ANKRD31: variants seen among roughly 807,000 people sequenced by gnomAD.
ANKRD31 encodes the protein ankyrin repeat domain 31.
In ANKRD31, 147 loss-of-function variants were observed where a neutral mutation model predicts 186.0. That is an observed-to-expected ratio of 0.79 (90% CI 0.69 to 0.91). The LOEUF (loss-of-function observed/expected upper bound fraction) is 0.91, where lower values mean the gene tolerates loss of function less well. Among genes scored for constraint, ANKRD31 ranks in the 40% least tolerant of loss-of-function variants. The pLI, the probability that ANKRD31 is intolerant of heterozygous loss-of-function variation, is 0.00. For missense variants in ANKRD31, 1,986 were observed against 2,148.8 expected (o/e 0.92, Z 1.50); for synonymous variants, 673 against 736.4 (o/e 0.91, Z 1.39).
rs183076088 is a variant in ANKRD31, at chr5:75,102,111, G to A, written c.5331+2117C>T. ...ATGGTGACATACAGATGGGGGTTTG[G>A]TGTGGATGTCCTTTCTGTTTGTTAG... On this transcript the variant is annotated intron_variant, in intron 22 of 25. Coordinates refer to ENST00000506364, the MANE Select transcript of ANKRD31 (RefSeq NM_001372053.1). Among the ~76,000 whole-genome samples the A allele has an allele frequency of 1.6e-4, 24 of 152,298 alleles. 1 individual carries two copies. The East Asian group carries it at 4.6e-3, about 29-fold the overall frequency.
At chr5:75,076,538 T>C (rs1326084514) in intron 25 of ANKRD31, among the ~76,000 whole-genome samples, 1 of 152,210 alleles carries the variant, frequency 6.6e-6, no homozygotes, top group Non-Finnish European at 1.5e-5. Flanking sequence ...AACCCAGAAG[T>C]TCTCTGAGCC....
chr5:75,083,754 G>C lies in ANKRD31; in HGVS notation c.5575+518C>G, dbSNP rs571244292. 5.3e-5 allele frequency among the ~76,000 whole-genome samples: 8 copies of C among 152,024 alleles called. No homozygotes were observed. In the South Asian group the frequency reaches 1.7e-3, roughly 32 times the overall value. ...CTCAAAAAAAAAAAAAGTTGGGGGG[G>C]AAGCACCCTAATGCCCATCAAAGGA... On this transcript the variant is annotated intron_variant, in intron 24 of 25. Transcript: ENST00000506364.
intron 22 of ANKRD31, among the ~76,000 whole-genome samples, chr5:75,103,930 GGT>G (rs1227104303): frequency 4.6e-5 from 7 of 152,056 alleles, no homozygotes; most frequent in African/African-American, 1.7e-4. Flanking sequence ...TGGGTTGACA[GGT>G]GCAGCAAACC....
rs1428307779 is a variant in ANKRD31, at chr5:75,168,971, C to T, written c.1707+8G>A. On this transcript the variant is annotated splice_region_variant and intron_variant, in intron 11 of 25. Coordinates refer to ENST00000506364, the MANE Select transcript of ANKRD31 (RefSeq NM_001372053.1). ...GTATTTGTTCTGCAAATAAAAGCATCACAGTACCTTATAATGTCCATTCAT... is the reference window on the plus strand; with the variant it reads ...GTATTTGTTCTGCAAATAAAAGCATTACAGTACCTTATAATGTCCATTCAT... 12 of 1,530,938 alleles carry T rather than the reference C, an allele frequency of 7.8e-6. No individual in the cohort carries two copies. Among genetic ancestry groups the T allele is most frequent in the Admixed American group, 3.9e-5 (2 of 50,788 alleles). The allele number at this position is 1,530,938 out of a possible 1,614,324, so 94.8% of individuals were successfully genotyped here. A position where few individuals can be genotyped will look rare whatever the true frequency, so the allele number is the denominator to read the frequency against.
chr5:75,165,591 T>C (rs1752866131), intron 11 of ANKRD31, among the ~76,000 whole-genome samples: 1 of 152,142 alleles, frequency 6.6e-6, no homozygotes, highest in Non-Finnish European at 1.5e-5. Context: ...CTAAAAGCAA[T>C]AACATCCAAT....
intron 17 of ANKRD31, among the ~76,000 whole-genome samples, chr5:75,135,592 C>A (rs886235162): frequency 6.6e-6 from 1 of 152,064 alleles, no homozygotes; most frequent in African/African-American, 2.4e-5. Flanking sequence ...CCATACTGCC[C>A]AAGGTAATTT....
intron 11 of ANKRD31, among the ~76,000 whole-genome samples, chr5:75,160,175 C>A (rs1480476102): frequency 6.6e-6 from 1 of 151,802 alleles, no homozygotes. Context: ...AATATACAAA[C>A]ATAATATGTA....
rs554100970 is a variant in ANKRD31 at position 75,222,155 on chromosome 5, A to G, written c.288+94T>C. On this transcript the variant is annotated intron_variant, in intron 3 of 25. Transcript: ENST00000506364. Reference sequence around the variant, plus strand: ...TAAGAAAAGAGGAAAGAAGCAAAATATAGACAAAAAGAATTATCATTAGTA... The same window carrying G: ...TAAGAAAAGAGGAAAGAAGCAAAATGTAGACAAAAAGAATTATCATTAGTA... 4.5e-5 allele frequency: 40 copies of G among 895,716 alleles called. No homozygotes were observed. The African/African-American group carries it at 6.5e-4, about 14-fold the overall frequency. 55.5% of individuals were successfully genotyped at this position (895,716 alleles called of 1,614,324 possible). A position where few individuals can be genotyped will look rare whatever the true frequency, so the allele number is the denominator to read the frequency against.
chr5:75,202,943 CTTTTTAT>C (rs1469503460), intron 5 of ANKRD31, among the ~76,000 whole-genome samples: 4 of 152,158 alleles, frequency 2.6e-5, no homozygotes, highest in South Asian at 2.1e-4. Flanking sequence ...TGTGGCACTA[CTTTTTAT>C]TTTTTATTTT....
intron 5 of ANKRD31, among the ~76,000 whole-genome samples, chr5:75,204,734 T>C (rs1756042187): frequency 6.6e-6 from 1 of 152,210 alleles, no homozygotes; most frequent in South Asian, 2.1e-4. Flanking sequence ...GTGATGGGCC[T>C]TCCTTTCCTT....
At chr5:75,158,254 C>T (rs903623807) in intron 11 of ANKRD31, among the ~76,000 whole-genome samples, 10 of 152,146 alleles carry the variant, frequency 6.6e-5, no homozygotes, top group African/African-American at 2.4e-4. Flanking sequence ...GAAGGTTAAA[C>T]ACAACCTCTA....
At chr5:75,191,271 C>A (rs1755091398) in intron 9 of ANKRD31, among the ~76,000 whole-genome samples, 1 of 152,092 alleles carries the variant, frequency 6.6e-6, no homozygotes, top group African/African-American at 2.4e-5. Context: ...ATTTGAGATG[C>A]CATCTGTATT....
chr5:75,163,636 T>A (rs1252068782), intron 11 of ANKRD31, among the ~76,000 whole-genome samples: 1 of 152,242 alleles, frequency 6.6e-6, no homozygotes, highest in East Asian at 1.9e-4. Flanking sequence ...TTTCTGATTT[T>A]TCGGTTAGGG....
At chr5:75,099,912 C>A (rs1344289110) in intron 22 of ANKRD31, among the ~76,000 whole-genome samples, 1 of 152,112 alleles carries the variant, frequency 6.6e-6, no homozygotes, top group African/African-American at 2.4e-5. Context: ...TTTTTTGTGT[C>A]TCTATTTCCC....
intron 10 of ANKRD31, among the ~76,000 whole-genome samples, chr5:75,170,194 G>A (rs1348331981): frequency 1.3e-5 from 2 of 151,990 alleles, no homozygotes; most frequent in Non-Finnish European, 2.9e-5. Context: ...GGGAATAAAT[G>A]GACTATATGT....
chr5:75,202,105 A>C lies in ANKRD31; in HGVS notation c.404-2431T>G, dbSNP rs113353880. Among the ~76,000 whole-genome samples the C allele has an allele frequency of 2.9e-3, 445 of 152,296 alleles. 3 individuals are homozygous for C. Among genetic ancestry groups the C allele is most frequent in the African/African-American group, 0.01 (424 of 41,558 alleles). On this transcript the variant is annotated intron_variant, in intron 5 of 25. Coordinates refer to ENST00000506364, the MANE Select transcript of ANKRD31 (RefSeq NM_001372053.1). ...TTGATTGATGTCTCATGTCTCCCTAAAATGTATAAAACTAGGCTGTGCCCT... is the reference window on the plus strand; with the variant it reads ...TTGATTGATGTCTCATGTCTCCCTACAATGTATAAAACTAGGCTGTGCCCT...
chr5:75,139,875 G>T (rs996706763), intron 15 of ANKRD31, among the ~76,000 whole-genome samples: 6 of 152,178 alleles, frequency 3.9e-5, no homozygotes, highest in Middle Eastern at 3.4e-3. Context: ...CTTTTACATA[G>T]AAAAGTTGGG....
In ANKRD31 at chr5:75,224,170, TATATATATAC is replaced by T. The variant is rs1561550194; in HGVS notation, c.179-1822_179-1813del. Among the ~76,000 whole-genome samples, 22 of 121,532 alleles carry T rather than the reference TATATATATAC, an allele frequency of 1.8e-4. 1 individual carries two copies. The highest frequency in any genetic ancestry group is 7.3e-4 in the African/African-American group (19 of 26,134). The allele number at this position is 121,532 out of a possible 152,430, so 79.7% of individuals were successfully genotyped here. The stretch of plus-strand genomic sequence containing the variant: ...ATATATATATATATATGTATATATA[TATATATATAC>T]ACACATTTCTTCCATTAGAATTCCA... On this transcript the variant is annotated intron_variant, in intron 2 of 25. Coordinates refer to ENST00000506364, the MANE Select transcript of ANKRD31 (RefSeq NM_001372053.1).
chr5:75,219,171 T>C (rs551360237), intron 3 of ANKRD31, among the ~76,000 whole-genome samples: 206 of 152,128 alleles, frequency 1.4e-3, no homozygotes, highest in African/African-American at 4.7e-3. Flanking sequence ...ATAAAAGGCA[T>C]CCAAATAAAA....
Sources: gnomAD v4.1 joint callset for allele counts (sites outside exome capture counted in the v4.1 genomes callset) on GRCh38, gnomAD v4.1.1 for gene constraint, MANE v1.5 for transcripts, NCBI Gene and HGNC (gene_info 2026-07-23, HGNC 2026-07-21) for gene names.